Variants in TMEM260 observed in about 807,000 individuals in gnomAD.
TMEM260 encodes the protein protein O-mannosyl-transferase TMEM260.
Under a neutral mutation model 88.9 loss-of-function variants are expected in TMEM260, and 82 were observed. The ratio of observed to expected loss-of-function variants is 0.92; its 90% confidence interval spans 0.77 to 1.11. TMEM260 has a LOEUF of 1.11. TMEM260 is among the 50% of genes least tolerant of loss of function. The pLI is 0.00. For missense variants in TMEM260, 902 were observed against 853.4 expected, an observed-to-expected ratio of 1.06 and a Z score of -0.71; for synonymous variants, 314 against 309.3, an observed-to-expected ratio of 1.02 and a Z score of -0.16.
chr14:56,650,130 G>C (rs1319526506), downstream of TMEM260: 1 of 455,366 alleles, frequency 2.2e-6, no homozygotes, highest in Admixed American at 2.4e-5. Flanking sequence ...CCCCGACATT[G>C]AGGAGACTGT....
the TMEM260 span, among the ~76,000 whole-genome samples, chr14:56,659,815 G>A: frequency 6.6e-6 from 1 of 152,166 alleles, no homozygotes; most frequent in Non-Finnish European, 1.5e-5. Context: ...ATTTTAAGTG[G>A]CATTATGCTA....
rs1887638090 is a variant in TMEM260 at position 56,617,127 on chromosome 14, A to G, written c.942-56A>G. On this transcript the variant is annotated intron_variant, in intron 8 of 15. Coordinates refer to ENST00000261556, the MANE Select transcript of TMEM260 (RefSeq NM_017799.4). Reference sequence around the variant, plus strand: ...TAATAGTTTAAAGTCCTGTGATATTATATTTGACATTCATGTATCTAAATA... The same window carrying G: ...TAATAGTTTAAAGTCCTGTGATATTGTATTTGACATTCATGTATCTAAATA... 13 of 1,036,518 alleles carry G rather than the reference A, an allele frequency of 1.3e-5. No individual in the cohort carries two copies. In the Admixed American group the frequency reaches 2.6e-4, roughly 21 times the overall value. 64.2% of individuals were successfully genotyped at this position (1,036,518 alleles called of 1,614,324 possible).
rs772195102 is a variant in TMEM260 at position 56,625,464 on chromosome 14, T to A, written c.1481T>A (p.Val494Glu). The A allele has an allele frequency of 2.0e-4, 324 of 1,613,272 alleles. No individual in the cohort carries two copies. Among genetic ancestry groups the A allele is most frequent in the Non-Finnish European group, 2.7e-4 (319 of 1,179,394 alleles). The change falls in exon 12 of 16, where the codon GTG becomes GAG. Residue 494 changes from valine to glutamate, a missense_variant. Physicochemically the swap from Val to Glu is moderately radical, Grantham distance 121. Coordinates refer to ENST00000261556, the MANE Select transcript of TMEM260 (RefSeq NM_017799.4). Reference protein sequence around the residue: ...VNFPGNRWNPVEGILPSGMVT... With the variant: ...VNFPGNRWNPEEGILPSGMVT... ...TTTCCTGGGAACCGGTGGAATCCTGTGGAAGGAATATTACCTAGTGGAATG... is the reference window on the plus strand; with the variant it reads ...TTTCCTGGGAACCGGTGGAATCCTGAGGAAGGAATATTACCTAGTGGAATG...
At chr14:56,632,098 C>T (rs1230648571) in intron 12 of TMEM260, among the ~76,000 whole-genome samples, 2 of 152,166 alleles carry the variant, frequency 1.3e-5, no homozygotes, top group Admixed American at 6.5e-5. Flanking sequence ...CAGACCTGTG[C>T]ATGCTCAGCT....
chr14:56,617,111 A>T, intron 8 of TMEM260, 72 bp from the exon 9 acceptor site: 1 of 906,122 alleles, frequency 1.1e-6, no homozygotes. Flanking sequence ...CTAATAGTTT[A>T]AAGTCCTGTG....
intron 15 of TMEM260, among the ~76,000 whole-genome samples, chr14:56,641,778 G>A (rs553086429): frequency 5.1e-4 from 78 of 152,246 alleles, no homozygotes; most frequent in African/African-American, 9.1e-4. Context: ...CCCATCTCAC[G>A]TGCAGAGACA....
intron 15 of TMEM260, among the ~76,000 whole-genome samples, chr14:56,642,510 T>C (rs1377799158): frequency 6.6e-6 from 1 of 151,564 alleles, no homozygotes; most frequent in African/African-American, 2.4e-5. Context: ...TTTAAAGCAG[T>C]GTGTGGAGGG....
At chr14:56,637,070 A>G (rs965015112) in intron 15 of TMEM260, among the ~76,000 whole-genome samples, 1 of 152,192 alleles carries the variant, frequency 6.6e-6, no homozygotes, top group African/African-American at 2.4e-5. Context: ...GCCAGGAGTA[A>G]AAGAGTGCAG....
intron 12 of TMEM260, among the ~76,000 whole-genome samples, chr14:56,631,118 A>AC (rs111740956): frequency 9.2e-5 from 14 of 152,180 alleles, no homozygotes; most frequent in African/African-American, 3.4e-4. Flanking sequence ...AAAGTTTATT[A>AC]AAAGCTCTAA....
Position 56,632,980 on chromosome 14 carries a change from TTC to T in TMEM260, c.1548-13_1548-12del, listed in dbSNP as rs748906148. ...TAAATTTTAAGTACATCATGTATTTTTCTGTTTCCAACAGAAAAGAAACATTT... is the reference window on the plus strand; with the variant it reads ...TAAATTTTAAGTACATCATGTATTTTTGTTTCCAACAGAAAAGAAACATTT... On this transcript the variant is annotated splice_polypyrimidine_tract_variant and intron_variant, in intron 12 of 15. Coordinates refer to ENST00000261556, the MANE Select transcript of TMEM260 (RefSeq NM_017799.4). 56 of 1,608,530 alleles carry T rather than the reference TTC, an allele frequency of 3.5e-5. No individual in the cohort carries two copies. The Admixed American group carries it at 9.2e-4, about 27-fold the overall frequency.
intron 7 of TMEM260, chr14:56,613,810 A>G (rs1434886886): frequency 1.3e-5 from 2 of 151,892 alleles, no homozygotes; most frequent in East Asian, 3.9e-4. Context: ...CTGTAATCCC[A>G]GCACTTTGGG....
intron 7 of TMEM260, among the ~76,000 whole-genome samples, chr14:56,614,922 T>C (rs553940928): frequency 6.6e-6 from 1 of 152,192 alleles, no homozygotes; most frequent in Non-Finnish European, 1.5e-5. Flanking sequence ...GCAAATTAAA[T>C]TTTTTCCCCA....
chr14:56,616,768 C>T (rs546671520), intron 8 of TMEM260, among the ~76,000 whole-genome samples: 26 of 151,926 alleles, frequency 1.7e-4, no homozygotes, highest in African/African-American at 4.3e-4. Context: ...TTAAGGCTTC[C>T]GATATAGATA....
intron 15 of TMEM260, among the ~76,000 whole-genome samples, chr14:56,644,237 C>T (rs1404295137): frequency 1.3e-5 from 2 of 152,174 alleles, no homozygotes; most frequent in African/African-American, 4.8e-5. Context: ...GGAGGCATCA[C>T]ACTACCTGAC....
In TMEM260 at chr14:56,633,181, G is replaced by A. The variant is rs774015627; in HGVS notation, c.1724+10G>A. ...CCGAAGAATATGGAAGGTATGAACA[G>A]CAGTTGTATTTTGATGCATATAAAC... On this transcript the variant is annotated intron_variant, in intron 13 of 15. Coordinates refer to ENST00000261556, the MANE Select transcript of TMEM260 (RefSeq NM_017799.4). The A allele has an allele frequency of 1.2e-6, 2 of 1,602,334 alleles. No homozygotes were observed. Among genetic ancestry groups the A allele is most frequent in the Non-Finnish European group, 8.5e-7 (1 of 1,174,468 alleles).
chr14:56,589,386 C>T (rs1053902374), intron 3 of TMEM260, among the ~76,000 whole-genome samples: 1 of 152,028 alleles, frequency 6.6e-6, no homozygotes, highest in East Asian at 1.9e-4. Flanking sequence ...GTTGAAGACT[C>T]ATGTGAATTG....
the TMEM260 span, among the ~76,000 whole-genome samples, chr14:56,662,777 C>T: frequency 4.6e-5 from 7 of 152,236 alleles, no homozygotes. Context: ...AGTGCAAGGG[C>T]ATTTGGGAAG....
At chr14:56,606,278 A>G (rs187076437) in intron 5 of TMEM260, among the ~76,000 whole-genome samples, 63 of 152,338 alleles carry the variant, frequency 4.1e-4, no homozygotes, top group Middle Eastern at 6.8e-3. Context: ...TCATTAGGCA[A>G]TGTGAGATTT....
intron 3 of TMEM260, among the ~76,000 whole-genome samples, chr14:56,586,787 TG>T (rs1160006372): frequency 3.3e-5 from 5 of 152,068 alleles, no homozygotes; most frequent in Admixed American, 6.5e-5. Context: ...GTCATAATAC[TG>T]CCCTTTAGCC....
Sources: gnomAD v4.1 joint callset for allele counts (sites outside exome capture counted in the v4.1 genomes callset) on GRCh38, gnomAD v4.1.1 for gene constraint, MANE v1.5 for transcripts, NCBI Gene and HGNC (gene_info 2026-07-23, HGNC 2026-07-21) for gene names.